NRXN3: variants seen among roughly 807,000 people sequenced by gnomAD.
NRXN3 encodes the protein neurexin III.
A neutral mutation model predicts 137.6 loss-of-function variants in NRXN3; 32 were observed. The observed-to-expected ratio is 0.23, with a 90% CI of 0.18 to 0.31. The LOEUF (loss-of-function observed/expected upper bound fraction) is 0.31. Among genes scored for constraint, NRXN3 ranks in the 10% least tolerant of loss-of-function variants. The pLI is 1.00. For synonymous variants in NRXN3, 798 were observed against 784.5 expected (o/e 1.02, Z -0.29); for missense variants, 1,574 against 2,062.5 (o/e 0.76, Z 4.59).
chr14:78,886,736 A>G (rs2099144927), intron 10 of NRXN3, among the ~76,000 whole-genome samples: 2 of 152,192 alleles, frequency 1.3e-5, no homozygotes, highest in African/African-American at 4.8e-5. Context: ...CTAGGCATGG[A>G]CAAGCCACTT....
At chr14:78,447,541 A>G (rs1051259581) in intron 4 of NRXN3, among the ~76,000 whole-genome samples, 1 of 152,232 alleles carries the variant, frequency 6.6e-6, no homozygotes, top group African/African-American at 2.4e-5. Flanking sequence ...GTGAGGGGCC[A>G]GCCCTTGTCT....
intron 4 of NRXN3, among the ~76,000 whole-genome samples, chr14:78,529,526 C>A (rs2096430853): frequency 6.6e-6 from 1 of 152,146 alleles, no homozygotes; most frequent in Non-Finnish European, 1.5e-5. Context: ...GTAACGTGAA[C>A]CCCAATATGG....
intron 15 of NRXN3, among the ~76,000 whole-genome samples, chr14:78,993,834 A>ATTTTTTTTTTTTTT (rs58170856): frequency 3.0e-5 from 2 of 66,928 alleles, no homozygotes; most frequent in Non-Finnish European, 6.3e-5. Context: ...GAGCCTTGAA[A>ATTTTTTTTTTTTTT]TTTTTTTTTT....
intron 15 of NRXN3, among the ~76,000 whole-genome samples, chr14:79,002,002 A>G (rs1206067304): frequency 6.6e-6 from 1 of 152,174 alleles, no homozygotes; most frequent in Non-Finnish European, 1.5e-5. Flanking sequence ...TGAGTAGATT[A>G]TCATTTTTGT....
chr14:78,935,836 G>A (rs2099336437), intron 10 of NRXN3, among the ~76,000 whole-genome samples: 1 of 152,128 alleles, frequency 6.6e-6, no homozygotes, highest in South Asian at 2.1e-4. Flanking sequence ...AAGTGTAAGT[G>A]ATCCTCAACT....
chr14:78,357,811 A>G (rs189814803), intron 4 of NRXN3, among the ~76,000 whole-genome samples: 5 of 152,338 alleles, frequency 3.3e-5, no homozygotes, highest in Admixed American at 3.3e-4. Context: ...GTCATCTTAA[A>G]TGCAATTTTT....
intron 8 of NRXN3, among the ~76,000 whole-genome samples, chr14:78,769,285 A>G (rs1408067969): frequency 6.6e-6 from 1 of 152,252 alleles, no homozygotes; most frequent in East Asian, 1.9e-4. Flanking sequence ...CTGTCGCTGT[A>G]TCCAAATTTC....
chr14:79,354,970 G>A (rs1257710108), intron 15 of NRXN3, among the ~76,000 whole-genome samples: 1 of 152,064 alleles, frequency 6.6e-6, no homozygotes, highest in African/African-American at 2.4e-5. Flanking sequence ...AATTGTTGTT[G>A]GTTTATGATA....
intron 15 of NRXN3, 111 bp from the exon 16 acceptor site, chr14:79,467,109 AT>A: frequency 9.7e-7 from 1 of 1,030,366 alleles, no homozygotes; most frequent in South Asian, 2.1e-5. Flanking sequence ...ATACTGTCCC[AT>A]GGGGGACATT....
At chr14:78,734,728 T>C (rs1240357716) in intron 8 of NRXN3, among the ~76,000 whole-genome samples, 1 of 152,162 alleles carries the variant, frequency 6.6e-6, no homozygotes, top group African/African-American at 2.4e-5. Context: ...ATGGATGCAG[T>C]CTTCTAGGCA....
At chr14:78,390,287 C>T (rs1442071221) in intron 4 of NRXN3, among the ~76,000 whole-genome samples, 3 of 152,056 alleles carry the variant, frequency 2.0e-5, no homozygotes, top group Admixed American at 6.6e-5. Flanking sequence ...TGGAACACAG[C>T]GATATTTATT....
intron 15 of NRXN3, among the ~76,000 whole-genome samples, chr14:79,311,892 G>C (rs1430243620): frequency 7.6e-5 from 1 of 13,078 alleles, no homozygotes. Context: ...CCAGCTCCTG[G>C]ATTCATTGAT....
chr14:79,658,272 G>T (rs924272626), intron 16 of NRXN3, among the ~76,000 whole-genome samples: 1 of 152,110 alleles, frequency 6.6e-6, no homozygotes, highest in Admixed American at 6.6e-5. Context: ...AATATTTACT[G>T]AGCACCTATT....
intron 4 of NRXN3, among the ~76,000 whole-genome samples, chr14:78,498,460 G>T: frequency 6.6e-6 from 1 of 152,166 alleles, no homozygotes; most frequent in Non-Finnish European, 1.5e-5. Context: ...AACTAGGTAT[G>T]CCTTTCTGTG....
At chr14:78,860,326 C>G (rs1377342869) in intron 10 of NRXN3, among the ~76,000 whole-genome samples, 1 of 152,104 alleles carries the variant, frequency 6.6e-6, no homozygotes, top group Non-Finnish European at 1.5e-5. Context: ...TCTACTAGCT[C>G]TTAGATAGTA....
chr14:79,391,338 G>T (rs1198597219), intron 15 of NRXN3, among the ~76,000 whole-genome samples: 1 of 152,196 alleles, frequency 6.6e-6, no homozygotes, highest in African/African-American at 2.4e-5. Context: ...CACAGTAATT[G>T]GGTTCAAGCC....
chr14:79,251,952 G>A (rs1009532677), intron 15 of NRXN3, among the ~76,000 whole-genome samples: 2 of 151,758 alleles, frequency 1.3e-5, no homozygotes, highest in African/African-American at 4.8e-5. Flanking sequence ...ACAAGTAGCT[G>A]GGACTGCAGG....
At chr14:79,687,916 G>A (rs1190480636) in intron 17 of NRXN3, among the ~76,000 whole-genome samples, 1 of 152,160 alleles carries the variant, frequency 6.6e-6, no homozygotes, top group East Asian at 1.9e-4. Flanking sequence ...AGCTGAGTAT[G>A]TTAGAAGATA....
intron 4 of NRXN3, among the ~76,000 whole-genome samples, chr14:78,351,547 T>G (rs1370702779): frequency 6.6e-6 from 1 of 152,160 alleles, no homozygotes; most frequent in African/African-American, 2.4e-5. Flanking sequence ...TTTGCATTTC[T>G]TTGATTACCA....
Sources: allele counts gnomAD v4.1 joint callset (sites outside exome capture counted in the v4.1 genomes callset), GRCh38; gene constraint gnomAD v4.1.1; transcripts MANE v1.5; gene names NCBI Gene and HGNC (gene_info 2026-07-23, HGNC 2026-07-21).